The following CCDC201 variants were observed in gnomAD, a reference collection of about 807,000 sequenced individuals.
The protein encoded by CCDC201 is coiled-coil domain-containing protein 201.
chr7:45,884,550 C>G, the CCDC201 span, among the ~76,000 whole-genome samples: 1 of 152,162 alleles, frequency 6.6e-6, no homozygotes, highest in East Asian at 1.9e-4. Context: ...CACTCCCTGC[C>G]TGTTATTCCA....
intron 1 of CCDC201, among the ~76,000 whole-genome samples, chr7:45,871,679 C>A (rs1390801794): frequency 6.6e-6 from 1 of 152,178 alleles, no homozygotes; most frequent in East Asian, 1.9e-4. Flanking sequence ...AGAAGATAAA[C>A]AAGCAGTGAA....
chr7:45,884,060 C>T, the CCDC201 span, among the ~76,000 whole-genome samples: 2 of 149,866 alleles, frequency 1.3e-5, no homozygotes, highest in Non-Finnish European at 3.0e-5. Flanking sequence ...CCATCTCTCT[C>T]CTTCCTCCCT....
the CCDC201 span, among the ~76,000 whole-genome samples, chr7:45,881,780 C>T: frequency 3.3e-5 from 5 of 152,158 alleles, no homozygotes; most frequent in African/African-American, 1.2e-4. Context: ...AGATTCAGAC[C>T]CTGGTCTTCT....
chr7:45,871,622 A>G (rs1426423035), intron 1 of CCDC201, among the ~76,000 whole-genome samples: 1 of 152,338 alleles, frequency 6.6e-6, no homozygotes, highest in East Asian at 1.9e-4. Flanking sequence ...AAAGGAAAGA[A>G]AAAAGATACA....
chr7:45,874,791 T>TA (rs1290161131), upstream of CCDC201, among the ~76,000 whole-genome samples: 2 of 152,218 alleles, frequency 1.3e-5, no homozygotes, highest in Admixed American at 6.5e-5. Context: ...GAAATTCTTC[T>TA]ACCCTGGGGG....
upstream of CCDC201, among the ~76,000 whole-genome samples, chr7:45,873,759 C>T (rs999161622): frequency 6.6e-6 from 1 of 152,174 alleles, no homozygotes; most frequent in Admixed American, 6.5e-5. Context: ...TCTAACCATG[C>T]CTTAACTTTT....
At chr7:45,877,824 C>T (rs13229093), upstream of CCDC201, among the ~76,000 whole-genome samples, 43,188 of 152,078 alleles carry the variant, frequency 0.28, 6,578 homozygotes, top group East Asian at 0.36. Flanking sequence ...TTGCAAAATA[C>T]AATCATTTCT....
chr7:45,866,363 A>G (rs1283115977), exon 2 of CCDC201: 2 of 152,256 alleles, frequency 1.3e-5, no homozygotes, highest in Non-Finnish European at 2.9e-5. Flanking sequence ...GATAGGAGGC[A>G]CCTCCCGATG....
intron 1 of CCDC201, among the ~76,000 whole-genome samples, chr7:45,869,367 C>T (rs182625144): frequency 1.2e-3 from 185 of 152,316 alleles, no homozygotes; most frequent in Middle Eastern, 3.4e-3. Context: ...GGCTTATTGG[C>T]CTGAAACAGA....
At chr7:45,869,815 C>A (rs574863398) in intron 1 of CCDC201, among the ~76,000 whole-genome samples, 7 of 146,970 alleles carry the variant, frequency 4.8e-5, no homozygotes, top group African/African-American at 1.7e-4. Context: ...TTTAGTTGCT[C>A]CACATTTTTT....
chr7:45,876,705 C>T (rs189159515), upstream of CCDC201, among the ~76,000 whole-genome samples: 101 of 152,344 alleles, frequency 6.6e-4, 1 homozygote, highest in African/African-American at 2.2e-3. Flanking sequence ...TGTTTCCACA[C>T]AGTGGTGTTA....
the CCDC201 span, among the ~76,000 whole-genome samples, chr7:45,880,875 G>A: frequency 6.6e-6 from 1 of 152,170 alleles, no homozygotes; most frequent in Admixed American, 6.5e-5. Context: ...CCTATTATGG[G>A]CTGGGTGAGT....
chr7:45,870,643 C>T (rs201480332), intron 1 of CCDC201, among the ~76,000 whole-genome samples: 5 of 152,078 alleles, frequency 3.3e-5, no homozygotes, highest in Non-Finnish European at 7.4e-5. Context: ...GTTATGATTA[C>T]AACAGACAAT....
the CCDC201 span, among the ~76,000 whole-genome samples, chr7:45,880,993 G>T: frequency 2.0e-5 from 3 of 152,118 alleles, no homozygotes; most frequent in Non-Finnish European, 4.4e-5. Context: ...GGCCAAACTG[G>T]TATGGGAATT....
At chr7:45,864,765 A>G (rs1786650881) in intron 2 of CCDC201, among the ~76,000 whole-genome samples, 1 of 152,222 alleles carries the variant, frequency 6.6e-6, no homozygotes, top group Non-Finnish European at 1.5e-5. Context: ...CTCGGAAGAC[A>G]GAACTGAGCA....
At chr7:45,864,536 T>C (rs960297891) in intron 2 of CCDC201, among the ~76,000 whole-genome samples, 4 of 152,118 alleles carry the variant, frequency 2.6e-5, no homozygotes, top group African/African-American at 7.2e-5. Flanking sequence ...CACTCGGAAC[T>C]CGGGGCTTTC....
upstream of CCDC201, among the ~76,000 whole-genome samples, chr7:45,876,135 GA>G (rs1786797041): frequency 6.6e-6 from 1 of 152,148 alleles, no homozygotes; most frequent in Non-Finnish European, 1.5e-5. Context: ...GGGCAGGAGA[GA>G]GGGGCAGACA....
At chr7:45,877,986 C>T (rs995105651), upstream of CCDC201, among the ~76,000 whole-genome samples, 3 of 152,156 alleles carry the variant, frequency 2.0e-5, no homozygotes, top group African/African-American at 7.2e-5. Context: ...GGGGTACAGG[C>T]ATTGGAAAAT....
At chr7:45,875,199 TA>T (rs1786787293), upstream of CCDC201, among the ~76,000 whole-genome samples, 1 of 152,250 alleles carries the variant, frequency 6.6e-6, no homozygotes, top group African/African-American at 2.4e-5. Context: ...GATCTCATTT[TA>T]AAAATGACAC....
Sources: allele counts gnomAD v4.1 joint callset (sites outside exome capture counted in the v4.1 genomes callset), GRCh38; gene constraint gnomAD v4.1.1; transcripts MANE v1.5; gene names NCBI Gene and HGNC (gene_info 2026-07-23, HGNC 2026-07-21).